Variants in COL5A3 observed in about 807,000 individuals in gnomAD.
COL5A3 encodes the protein collagen alpha-3(V) chain.
Under a neutral mutation model 250.0 loss-of-function variants are expected in COL5A3, and 172 were observed. The observed-to-expected ratio is 0.69, with a 90% CI of 0.61 to 0.78. COL5A3 has a LOEUF of 0.78. COL5A3 is among the 30% of genes least tolerant of loss of function. COL5A3 has a pLI of 0.00. For synonymous variants in COL5A3, 937 were observed against 900.4 expected (o/e 1.04, Z -0.73); for missense variants, 2,340 against 2,334.4 (o/e 1.00, Z -0.05).
chr19:9,966,449 G>C (rs2145053966), intron 63 of COL5A3, 23 bp from the exon 64 acceptor site: 1 of 1,582,064 alleles, frequency 6.3e-7, no homozygotes, highest in East Asian at 2.3e-5. Flanking sequence ...CAGGCAGGGT[G>C]GGTGAGTCCG....
At position 9,996,644 on chromosome 19, in the gene COL5A3, C is replaced by G; in HGVS notation, c.1309G>C (p.Gly437Arg). The G allele has an allele frequency of 6.2e-7, 1 of 1,612,406 alleles. No individual in the cohort carries two copies. The highest frequency in any genetic ancestry group is 8.5e-7 in the Non-Finnish European group (1 of 1,179,546). The change falls in exon 12 of 67, where the codon GGC becomes CGC. Residue 437 changes from glycine to arginine, a missense_variant. Coordinates refer to ENST00000264828, the MANE Select transcript of COL5A3 (RefSeq NM_015719.4). ...ATCATGATCACAGTGCCCGGTGGGC[C>G]TCGGATCCCATCAATGCCGGGGATT... Reference protein sequence around the residue: ...PGIPGIDGIRGPPGTVIMMPF... With the variant: ...PGIPGIDGIRRPPGTVIMMPF...
intron 24 of COL5A3, among the ~76,000 whole-genome samples, chr19:9,990,423 C>T (rs1310953406): frequency 6.7e-6 from 1 of 148,194 alleles, no homozygotes; most frequent in African/African-American, 2.5e-5. Context: ...AATAGTATAA[C>T]TGGATTGTTT....
Position 9,968,120 on chromosome 19 carries a change from C to T in COL5A3, c.4315-41G>A. 1 of 1,552,724 alleles carries T rather than the reference C, an allele frequency of 6.4e-7. No individual in the cohort carries two copies. The highest frequency in any genetic ancestry group is 2.3e-5 in the East Asian group (1 of 44,020). ...CGGGTCAGTATTGGTGGGGTACACC[C>T]TATTGCCCTGACACATCCCCCAGAC... is the stretch of plus-strand genomic sequence containing the variant. On this transcript the variant is annotated intron_variant, in intron 59 of 66. Transcript: ENST00000264828. This position sits in a 1 kb window ranked among gnomAD's most constrained non-coding sequence, Gnocchi z 4.1.
chr19:9,993,113 G>C, intron 19 of COL5A3, 46 bp from the exon 20 acceptor site: 2 of 1,597,748 alleles, frequency 1.3e-6, no homozygotes, highest in Non-Finnish European at 1.7e-6. Context: ...TACAACCCTC[G>C]GAGAGCCACC....
chr19:10,005,893 C>G lies in COL5A3; in HGVS notation c.340G>C (p.Gly114Arg). Reference protein sequence around the residue: ...SVLLSIYDERGARQLGLALGP... With the variant: ...SVLLSIYDERRARQLGLALGP... ...AGTGCCAGGCCCAACTGCCGGGCAC[C>G]CCTTTCATCATAAATGGACAGCAGG... is the stretch of plus-strand genomic sequence containing the variant. Residue 114 changes from glycine (G) to arginine (R), a missense_variant, in exon 3 of 67, where the codon GGT (glycine) becomes CGT (arginine). Physicochemically the swap from Gly to Arg is moderately radical, Grantham distance 125. Coordinates refer to ENST00000264828, the MANE Select transcript of COL5A3 (RefSeq NM_015719.4). 1 of 1,613,998 alleles carries G rather than the reference C, an allele frequency of 6.2e-7. No individual in the cohort carries two copies. Among genetic ancestry groups the G allele is most frequent in the South Asian group, 1.1e-5 (1 of 91,084 alleles).
intron 9 of COL5A3, 23 bp downstream of exon 9, chr19:9,998,079 C>T (rs769238609): frequency 2.5e-6 from 4 of 1,613,974 alleles, no homozygotes; most frequent in Non-Finnish European, 3.4e-6. Flanking sequence ...CCTCTCAACC[C>T]CCTCACAATC....
intron 27 of COL5A3, among the ~76,000 whole-genome samples, chr19:9,988,833 CAAAAA>C (rs67181648): frequency 5.1e-4 from 20 of 39,432 alleles, no homozygotes; most frequent in Non-Finnish European, 7.8e-4. Context: ...GACTCTGTCT[CAAAAA>C]AAAAAAAAAA....
chr19:9,989,314 T>TC lies in COL5A3; in HGVS notation c.2091+7dup, dbSNP rs776552406. ...TCCCCAACCCAGCCTAACCTCCTGG[T>TC]CACTCACCTGAGCCCCTTTCTCTCC... On this transcript the variant is annotated splice_region_variant and intron_variant, in intron 26 of 66. Transcript: ENST00000264828. 3.1e-6 allele frequency: 5 copies of TC among 1,614,144 alleles called. No homozygotes were observed. Among genetic ancestry groups the TC allele is most frequent in the Non-Finnish European group, 4.2e-6 (5 of 1,180,004 alleles).
At chr19:9,985,741 G>T in intron 31 of COL5A3, 101 bp downstream of exon 31, 1 of 1,061,622 alleles carries the variant, frequency 9.4e-7, no homozygotes, top group African/African-American at 1.6e-5. Context: ...GTGACCCTTG[G>T]GGTGGGCAGC....
intron 27 of COL5A3, 85 bp from the exon 28 acceptor site, chr19:9,986,843 G>C: frequency 6.7e-7 from 1 of 1,481,660 alleles, no homozygotes; most frequent in African/African-American, 1.4e-5. Flanking sequence ...AAAGCAGCCA[G>C]GATAGTCCCA....
intron 27 of COL5A3, 147 bp from the exon 28 acceptor site, chr19:9,986,905 T>C: frequency 1.2e-6 from 1 of 867,454 alleles, no homozygotes; most frequent in African/African-American, 1.7e-5. Context: ...AAATGATCTT[T>C]CCCCAGAGGC....
rs765939398 is a variant in COL5A3, at chr19:9,971,271, A to G, written c.3775-13T>C. The G allele has an allele frequency of 1.6e-5, 25 of 1,557,388 alleles. No individual in the cohort carries two copies. The highest frequency in any genetic ancestry group is 2.1e-5 in the Non-Finnish European group (24 of 1,156,882). ...GCCCCGTGGGGCCCTGGAACACAGA[A>G]TGATTAATAATCACATCTCTGAATT... On this transcript the variant is annotated splice_polypyrimidine_tract_variant and intron_variant, in intron 51 of 66. Transcript: ENST00000264828.
rs2087298635 is a variant in COL5A3 at position 9,998,085 on chromosome 19, C to A, written c.1158+17G>T. The A allele has an allele frequency of 1.2e-6, 2 of 1,613,838 alleles. No homozygotes were observed. Among genetic ancestry groups the A allele is most frequent in the Non-Finnish European group, 1.7e-6 (2 of 1,179,938 alleles). On this transcript the variant is annotated intron_variant, in intron 9 of 66. Transcript: ENST00000264828. The stretch of plus-strand genomic sequence containing the variant: ...ATCATGAAGCCTCTCAACCCCCTCA[C>A]AATCCAGACCCCTCACCTTTTCAAT...
chr19:9,970,486 G>GGGTATGTGGGTGAGTGA (rs2086828043), intron 54 of COL5A3, 136 bp downstream of exon 54: 4 of 473,590 alleles, frequency 8.4e-6, no homozygotes, highest in African/African-American at 2.2e-5. Flanking sequence ...GGGGTGAGTG[G>GGGTATGTGGGTGAGTGA]GGGCTGTGGA....
In COL5A3 at chr19:9,980,700, A is replaced by G; in HGVS notation, c.2560-8T>C. The G allele has an allele frequency of 6.2e-7, 1 of 1,614,086 alleles. No homozygotes were observed. The highest frequency in any genetic ancestry group is 8.5e-7 in the Non-Finnish European group (1 of 1,179,974). ...ATCCTGGCCCACATCGCCCTAGGACAGAGTGAATGAGACTCAGGCCCCAGA... is the reference window on the plus strand; with the variant it reads ...ATCCTGGCCCACATCGCCCTAGGACGGAGTGAATGAGACTCAGGCCCCAGA... On this transcript the variant is annotated splice_polypyrimidine_tract_variant and splice_region_variant and intron_variant, in intron 34 of 66. Coordinates refer to ENST00000264828, the MANE Select transcript of COL5A3 (RefSeq NM_015719.4).
chr19:9,961,764 T>C (rs1391270674), intron 65 of COL5A3, among the ~76,000 whole-genome samples: 1 of 152,080 alleles, frequency 6.6e-6, no homozygotes, highest in East Asian at 1.9e-4. Flanking sequence ...TTCACCATGT[T>C]AGCCAGGATG....
rs2087369398 is a variant in COL5A3, at chr19:10,001,906, TG to T, written c.850-26del. The T allele has an allele frequency of 2.6e-6, 4 of 1,565,290 alleles. No individual in the cohort carries two copies. In the East Asian group the frequency reaches 9.0e-5, roughly 35 times the overall value. On this transcript the variant is annotated intron_variant, in intron 6 of 66. Coordinates refer to ENST00000264828, the MANE Select transcript of COL5A3 (RefSeq NM_015719.4). ...TCTGGAGCAGGGATGGAGGGAGCCT[TG>T]GGTCTCGGGTGAGGGCAATCAAGAC...
rs986981571 is a variant in COL5A3, at chr19:9,959,764, AC to A, written c.*646del. 4 of 153,114 alleles carry A rather than the reference AC, an allele frequency of 2.6e-5. No individual in the cohort carries two copies. The highest frequency in any genetic ancestry group is 2.1e-4 in the South Asian group (1 of 4,800). 9.5% of individuals were successfully genotyped at this position (153,114 alleles called of 1,614,324 possible). ...GGCAGCACCATTAGGATCCTGATTC[AC>A]CCCCCCAACATCTTGGTCCCCAAAC... On this transcript the variant is annotated 3_prime_UTR_variant, in exon 67 of 67. Transcript: ENST00000264828.
rs1243669112 is a variant in COL5A3 at position 9,979,202 on chromosome 19, C to T, written c.2804G>A (p.Gly935Glu). ...TGEVGPLGER[G>E]PPGPPGPPGE... is the part of the protein sequence containing the mutation. Reference sequence around the variant, plus strand: ...AGGAGGTCCAGGGGGGCCTGGAGGCCCCCTTTCACCTAGAGGTCCCACTTC... The same window carrying T: ...AGGAGGTCCAGGGGGGCCTGGAGGCTCCCTTTCACCTAGAGGTCCCACTTC... The change falls in exon 39 of 67, where the codon GGG (glycine) becomes GAG (glutamate). Residue 935 changes from glycine (G) to glutamate (E), a missense_variant. By Grantham distance (98) the Gly-to-Glu change is moderately conservative. This residue lies in a region of COL5A3 where 1,179 missense variants were observed against 1,162.6 expected (regional missense o/e 1.01). Transcript: ENST00000264828. 6.2e-7 allele frequency: 1 copy of T among 1,604,018 alleles called. No individual in the cohort carries two copies. The highest frequency in any genetic ancestry group is 2.2e-5 in the East Asian group (1 of 44,820).
Sources: allele counts gnomAD v4.1 joint callset (sites outside exome capture counted in the v4.1 genomes callset), GRCh38; gene constraint gnomAD v4.1.1; regional missense constraint gnomAD v4.1.1; non-coding constraint Gnocchi (gnomAD v3.1); transcripts MANE v1.5; gene names NCBI Gene and HGNC (gene_info 2026-07-23, HGNC 2026-07-21).